Variants in STAT3 observed in about 807,000 individuals in gnomAD.
STAT3 encodes signal transducer and activator of transcription 3, also known as DNA-binding protein APRF.
In STAT3, 7 loss-of-function variants were observed where a neutral mutation model predicts 114.3. The observed-to-expected ratio is 0.06, with a 90% CI of 0.03 to 0.11. The LOEUF is 0.11. Among genes scored for constraint, STAT3 ranks in the 10% least tolerant of loss-of-function variants. The pLI, the probability that STAT3 is intolerant of heterozygous loss-of-function variation, is 1.00. For missense variants in STAT3, 364 were observed against 960.9 expected (o/e 0.38, Z 8.21); for synonymous variants, 331 against 354.5 (o/e 0.93, Z 0.74).
intron 1 of STAT3, among the ~76,000 whole-genome samples, chr17:42,364,689 G>GC (rs1567746610): frequency 6.6e-6 from 1 of 152,098 alleles, no homozygotes; most frequent in Non-Finnish European, 1.5e-5. Context: ...CACCATTTTG[G>GC]CCAGGTTGGT....
intron 4 of STAT3, among the ~76,000 whole-genome samples, chr17:42,342,184 T>C (rs940046845): frequency 6.6e-6 from 1 of 152,118 alleles, no homozygotes; most frequent in Non-Finnish European, 1.5e-5. Flanking sequence ...AGTTTTCTGC[T>C]TAAAATTCCT....
chr17:42,347,649 G>A (rs1246511161), intron 2 of STAT3, among the ~76,000 whole-genome samples: 1 of 152,170 alleles, frequency 6.6e-6, no homozygotes, highest in Non-Finnish European at 1.5e-5. Context: ...GGGGCCTGGT[G>A]GAAGGTGACT....
chr17:42,370,890 T>A (rs1239310127), intron 1 of STAT3, among the ~76,000 whole-genome samples: 2 of 152,074 alleles, frequency 1.3e-5, no homozygotes, highest in Non-Finnish European at 1.5e-5. Flanking sequence ...ATTACAGGCG[T>A]GAGCCACCAC....
At chr17:42,342,915 T>C (rs1364953302) in intron 4 of STAT3, among the ~76,000 whole-genome samples, 7 of 151,878 alleles carry the variant, frequency 4.6e-5, no homozygotes, top group African/African-American at 1.5e-4. Flanking sequence ...CATGATCTTC[T>C]TTCTGCCTGG....
Position 42,324,972 on chromosome 17 carries a change from G to T in STAT3, c.1455C>A (p.Asn485Lys), listed in dbSNP as rs751900728. The T allele has an allele frequency of 6.2e-7, 1 of 1,614,214 alleles. No individual in the cohort carries two copies. Among genetic ancestry groups the T allele is most frequent in the Non-Finnish European group, 8.5e-7 (1 of 1,180,036 alleles). ...AGGAGGGGGCACTAACCTTGGGATT[G>T]TTGGTCAGCATGTTGTACCACAGGA... is the stretch of plus-strand genomic sequence containing the variant. ...ASILWYNMLT[N>K]NPKNVNFFTK... The change falls in exon 16 of 24, where the codon AAC becomes AAA. Residue 485 changes from asparagine to lysine, a missense_variant. Asn to Lys is a moderately conservative substitution (Grantham distance 94, BLOSUM62 0). Coordinates refer to ENST00000264657, the MANE Select transcript of STAT3 (RefSeq NM_139276.3). This position sits in a 1 kb window ranked among gnomAD's most constrained non-coding sequence, Gnocchi z 4.5.
chr17:42,384,251 C>G (rs1039783016), intron 1 of STAT3, among the ~76,000 whole-genome samples: 1 of 151,410 alleles, frequency 6.6e-6, no homozygotes, highest in Non-Finnish European at 1.5e-5. Context: ...GCCTCAGCCT[C>G]CCGAGTAGCT....
intron 10 of STAT3, 85 bp from the exon 11 acceptor site, chr17:42,331,616 T>C: frequency 1.7e-6 from 2 of 1,172,184 alleles, no homozygotes; most frequent in African/African-American, 1.5e-5. Flanking sequence ...TTCATAATTC[T>C]TCATTTCCAA....
chr17:42,354,307 C>A (rs1455470373), intron 1 of STAT3, among the ~76,000 whole-genome samples: 1 of 149,604 alleles, frequency 6.7e-6, no homozygotes, highest in Non-Finnish European at 1.5e-5. Context: ...GTAGCTGGGA[C>A]TACAGGCATG....
At chr17:42,326,299 G>A in intron 14 of STAT3, 100 bp from the exon 15 acceptor site, 1 of 1,042,820 alleles carries the variant, frequency 9.6e-7, no homozygotes, top group Non-Finnish European at 1.5e-6. Flanking sequence ...CCTGAGCCCA[G>A]GAGTTCGAGA....
intron 1 of STAT3, among the ~76,000 whole-genome samples, chr17:42,381,205 A>C (rs1406529762): frequency 1.3e-5 from 2 of 152,150 alleles, no homozygotes; most frequent in Non-Finnish European, 2.9e-5. Context: ...AAACATACCA[A>C]CCAAGTGTTT....
intron 18 of STAT3, 92 bp downstream of exon 18, chr17:42,323,481 C>G (rs1281493937): frequency 6.4e-6 from 10 of 1,564,952 alleles, no homozygotes; most frequent in Non-Finnish European, 8.8e-6. Context: ...GGCCGCTGGA[C>G]CAAGAGTTCA....
chr17:42,351,265 T>C (rs1322302090), intron 1 of STAT3, among the ~76,000 whole-genome samples: 1 of 152,084 alleles, frequency 6.6e-6, no homozygotes, highest in African/African-American at 2.4e-5. Flanking sequence ...TATTTATTTT[T>C]TGGAGACAGG....
intron 8 of STAT3, among the ~76,000 whole-genome samples, chr17:42,334,439 C>CATT (rs2082145787): frequency 1.4e-5 from 1 of 70,200 alleles, no homozygotes; most frequent in African/African-American, 4.8e-5. Flanking sequence ...TGCGCCTGGC[C>CATT]TTTTTTTTTT....
intron 1 of STAT3, among the ~76,000 whole-genome samples, chr17:42,363,205 T>C (rs2083605232): frequency 6.6e-6 from 1 of 152,152 alleles, no homozygotes; most frequent in South Asian, 2.1e-4. Context: ...TTAGAAAATA[T>C]TCTGAGGAAT....
At chr17:42,368,804 T>C (rs2083946067) in intron 1 of STAT3, among the ~76,000 whole-genome samples, 3 of 152,006 alleles carry the variant, frequency 2.0e-5, no homozygotes, top group African/African-American at 7.2e-5. Context: ...GGTAAACTCA[T>C]GTCAGAGGGG....
intron 1 of STAT3, among the ~76,000 whole-genome samples, chr17:42,353,720 A>C (rs1439294693): frequency 6.6e-6 from 1 of 152,086 alleles, no homozygotes; most frequent in African/African-American, 2.4e-5. Flanking sequence ...CTAGGGGCAC[A>C]AGCCACAATG....
intron 2 of STAT3, among the ~76,000 whole-genome samples, chr17:42,347,787 T>C (rs973355561): frequency 1.3e-5 from 2 of 152,196 alleles, no homozygotes; most frequent in African/African-American, 2.4e-5. Flanking sequence ...GCTCTCTTGC[T>C]CTTGCTGTGG....
At chr17:42,332,734 G>A (rs952673921) in intron 10 of STAT3, among the ~76,000 whole-genome samples, 3 of 151,944 alleles carry the variant, frequency 2.0e-5, no homozygotes, top group Admixed American at 1.3e-4. Flanking sequence ...AGCTACTCAG[G>A]GAGGCTAAGG....
intron 14 of STAT3, among the ~76,000 whole-genome samples, chr17:42,326,513 AAAATT>A (rs1450739848): frequency 7.9e-5 from 12 of 152,014 alleles, no homozygotes; most frequent in African/African-American, 1.2e-4. Context: ...GTCTTAAAAA[AAAATT>A]AAATTAAATA....
Sources: allele counts gnomAD v4.1 joint callset (sites outside exome capture counted in the v4.1 genomes callset), GRCh38; gene constraint gnomAD v4.1.1; non-coding constraint Gnocchi (gnomAD v3.1); transcripts MANE v1.5; gene names NCBI Gene and HGNC (gene_info 2026-07-23, HGNC 2026-07-21).